Variants in STAG1 observed in about 807,000 individuals in gnomAD.
STAG1 encodes cohesin subunit SA-1.
A neutral mutation model predicts 170.9 loss-of-function variants in STAG1; 26 were observed. That is an observed-to-expected ratio of 0.15 (90% CI 0.11 to 0.21). The LOEUF (loss-of-function observed/expected upper bound fraction) is 0.21. Ranked by LOEUF, STAG1 falls within the 10% of genes least tolerant of loss-of-function variation. The probability of loss-of-function intolerance (pLI) is 1.00; values close to 1 mark genes in which losing one functional copy is unlikely to be tolerated. For synonymous variants in STAG1, 514 were observed against 497.7 expected, an observed-to-expected ratio of 1.03 and a Z score of -0.44; for missense variants, 964 against 1,509.5, an observed-to-expected ratio of 0.64 and a Z score of 5.99.
chr3:136,463,013 G>A (rs2089316624), intron 13 of STAG1, among the ~76,000 whole-genome samples: 2 of 152,084 alleles, frequency 1.3e-5, no homozygotes, highest in Admixed American at 6.6e-5. Context: ...TTGAAAAGTA[G>A]AGAATAGAGA....
At chr3:136,685,757 A>C (rs924298080) in intron 1 of STAG1, among the ~76,000 whole-genome samples, 2 of 152,234 alleles carry the variant, frequency 1.3e-5, no homozygotes, top group Non-Finnish European at 1.5e-5. Flanking sequence ...CAGTAAAAAG[A>C]TCCATGACTG....
chr3:136,376,001 T>TAACA (rs1553796040), intron 23 of STAG1, among the ~76,000 whole-genome samples: 5 of 120,992 alleles, frequency 4.1e-5, no homozygotes, highest in African/African-American at 1.3e-4. Flanking sequence ...AATAAATAAA[T>TAACA]AAATAAATAA....
intron 3 of STAG1, among the ~76,000 whole-genome samples, chr3:136,606,553 A>G (rs541479991): frequency 6.6e-6 from 1 of 152,194 alleles, no homozygotes; most frequent in East Asian, 1.9e-4. Flanking sequence ...ACAATATTAC[A>G]TTCAATCATC....
At chr3:136,529,255 A>C (rs1197871251) in intron 6 of STAG1, among the ~76,000 whole-genome samples, 1 of 152,182 alleles carries the variant, frequency 6.6e-6, no homozygotes, top group Non-Finnish European at 1.5e-5. Flanking sequence ...TAATAGATGG[A>C]AACTTCCCAA....
intron 1 of STAG1, among the ~76,000 whole-genome samples, chr3:136,656,241 A>G (rs946196185): frequency 6.6e-6 from 1 of 152,076 alleles, no homozygotes; most frequent in Admixed American, 6.6e-5. Flanking sequence ...ATAGGAACAG[A>G]AAGTACAATG....
chr3:136,465,955 A>C (rs962534829), intron 12 of STAG1, among the ~76,000 whole-genome samples: 1 of 152,172 alleles, frequency 6.6e-6, no homozygotes, highest in Non-Finnish European at 1.5e-5. Flanking sequence ...AAGAAAATAG[A>C]GGGAAAACTA....
intron 13 of STAG1, among the ~76,000 whole-genome samples, chr3:136,457,719 GA>G (rs1420353545): frequency 6.6e-6 from 1 of 151,818 alleles, no homozygotes; most frequent in African/African-American, 2.4e-5. Context: ...TAAGAAAACT[GA>G]AAAAAATTCA....
At chr3:136,706,865 T>C (rs769399721) in intron 1 of STAG1, among the ~76,000 whole-genome samples, 12 of 152,088 alleles carry the variant, frequency 7.9e-5, no homozygotes, top group Non-Finnish European at 1.5e-4. Context: ...AGGACAGAAA[T>C]ATAGACCAAT....
chr3:136,692,584 A>G (rs1576772010), intron 1 of STAG1, among the ~76,000 whole-genome samples: 1 of 152,296 alleles, frequency 6.6e-6, no homozygotes, highest in East Asian at 1.9e-4. Context: ...GCAGCAAGCC[A>G]AGATCGTGCC....
chr3:136,530,537 A>G (rs1196974129), intron 6 of STAG1, among the ~76,000 whole-genome samples: 1 of 152,190 alleles, frequency 6.6e-6, no homozygotes, highest in Non-Finnish European at 1.5e-5. Context: ...GTCTCGTCAA[A>G]TTTTTAAAAA....
intron 12 of STAG1, among the ~76,000 whole-genome samples, chr3:136,467,127 C>T (rs1395330969): frequency 1.3e-5 from 2 of 151,906 alleles, no homozygotes; most frequent in African/African-American, 2.4e-5. Context: ...AACATCATAA[C>T]GTAACGACAG....
intron 1 of STAG1, among the ~76,000 whole-genome samples, chr3:136,751,811 G>GGGGGGGC (rs1420739480): frequency 1.3e-5 from 2 of 151,192 alleles, no homozygotes; most frequent in South Asian, 4.1e-4. Flanking sequence ...GCCCGGGCGG[G>GGGGGGGC]GGGGGGCGGA....
At chr3:136,495,027 G>A (rs1024649807) in intron 9 of STAG1, among the ~76,000 whole-genome samples, 2 of 152,180 alleles carry the variant, frequency 1.3e-5, no homozygotes, top group East Asian at 1.9e-4. Context: ...TTTTGAAAAC[G>A]AAGAATAAAG....
intron 26 of STAG1, among the ~76,000 whole-genome samples, chr3:136,362,405 T>A (rs1936903751): frequency 6.6e-6 from 1 of 151,976 alleles, no homozygotes; most frequent in Non-Finnish European, 1.5e-5. Flanking sequence ...AATATTTCCA[T>A]CTGTCACTTT....
In STAG1 at chr3:136,417,896, T is replaced by C. The variant is rs777839037; in HGVS notation, c.2185A>G (p.Met729Val). The C allele has an allele frequency of 1.2e-6, 2 of 1,613,668 alleles. No homozygotes were observed. The highest frequency in any genetic ancestry group is 1.7e-6 in the Non-Finnish European group (2 of 1,179,554). The change falls in exon 21 of 34, where the codon ATG (methionine) becomes GTG (valine). Residue 729 changes from methionine (M) to valine (V), a missense_variant. Around this residue, in one of 11 missense-constraint regions of STAG1, gnomAD observed 232 missense variants for 313.0 expected, o/e 0.74. Coordinates refer to ENST00000383202, the MANE Select transcript of STAG1 (RefSeq NM_005862.3). The stretch of plus-strand genomic sequence containing the variant: ...CAATAAACTCCTACCTGTTCTGGCA[T>C]GGCTCCATGTTCAATTCCAGTCTTC... ...LLKTGIEHGA[M>V]PEQIVVQALQ...
chr3:136,409,219 G>A (rs2087561536), intron 21 of STAG1, among the ~76,000 whole-genome samples: 1 of 151,970 alleles, frequency 6.6e-6, no homozygotes, highest in Non-Finnish European at 1.5e-5. Flanking sequence ...AGCCAAGATC[G>A]CACCACTACT....
At position 136,369,133 on chromosome 3, in the gene STAG1, G is replaced by C; in HGVS notation, c.2520C>G (p.Asp840Glu). 1.3e-6 allele frequency: 2 copies of C among 1,568,658 alleles called. No homozygotes were observed. The highest frequency in any genetic ancestry group is 1.7e-6 in the Non-Finnish European group (2 of 1,162,864). Residue 840 changes from aspartate (D) to glutamate (E), a missense_variant, in exon 24 of 34, where the codon GAC becomes GAG. By Grantham distance (45) the Asp-to-Glu change is conservative. Transcript: ENST00000383202. ...CCATGCTCTGGTTCTCCTCGTCTTG[G>C]TCAATAAAAACGTGATCCATCACAA... ...LSFVMDHVFI[D>E]QDEENQSMEG...
At chr3:136,663,488 T>TCA (rs1224917174) in intron 1 of STAG1, among the ~76,000 whole-genome samples, 1 of 152,174 alleles carries the variant, frequency 6.6e-6, no homozygotes, top group African/African-American at 2.4e-5. Flanking sequence ...CATGACCCAA[T>TCA]CAGTTAGCAC....
At position 136,521,419 on chromosome 3, in the gene STAG1, TA is replaced by T; in HGVS notation, c.472-3del. 1 of 1,612,224 alleles carries T rather than the reference TA, an allele frequency of 6.2e-7. No individual in the cohort carries two copies. The highest frequency in any genetic ancestry group is 8.5e-7 in the Non-Finnish European group (1 of 1,178,924). On this transcript the variant is annotated splice_polypyrimidine_tract_variant and splice_region_variant and intron_variant, in intron 6 of 33. Coordinates refer to ENST00000383202, the MANE Select transcript of STAG1 (RefSeq NM_005862.3). Reference sequence around the variant, plus strand: ...GGTAAGAGGATAATCACCACTGTCCTAAAAAACAGAAAAAGAACATATTAAG... The same window carrying T: ...GGTAAGAGGATAATCACCACTGTCCTAAAAACAGAAAAAGAACATATTAAG...
Sources: allele counts gnomAD v4.1 joint callset (sites outside exome capture counted in the v4.1 genomes callset), GRCh38; gene constraint gnomAD v4.1.1; regional missense constraint gnomAD v4.1.1; transcripts MANE v1.5; gene names NCBI Gene and HGNC (gene_info 2026-07-23, HGNC 2026-07-21).